Variants in EHBP1 observed in about 807,000 individuals in gnomAD.
EHBP1 encodes the protein EH domain binding protein 1, also known as EH domain-binding protein 1.
Under a neutral mutation model 144.0 loss-of-function variants are expected in EHBP1, and 55 were observed. The observed-to-expected ratio is 0.38, with a 90% confidence interval of 0.31 to 0.48. EHBP1 has a LOEUF of 0.48. EHBP1 is among the 20% of genes least tolerant of loss of function. EHBP1 has a pLI of 0.98. For synonymous variants in EHBP1, 469 were observed against 472.7 expected, an observed-to-expected ratio of 0.99 and a Z score of 0.10; for missense variants, 1,200 against 1,364.2, an observed-to-expected ratio of 0.88 and a Z score of 1.90.
At chr2:62,702,267 T>C (rs2034299854), upstream of EHBP1, among the ~76,000 whole-genome samples, 1 of 152,254 alleles carries the variant, frequency 6.6e-6, no homozygotes, top group Non-Finnish European at 1.5e-5. Context: ...TTTTAAATTA[T>C]TTTAAATGTT....
chr2:62,754,788 AG>A (rs1184313940), intron 3 of EHBP1, among the ~76,000 whole-genome samples: 1 of 152,220 alleles, frequency 6.6e-6, no homozygotes, highest in Non-Finnish European at 1.5e-5. Context: ...CCTCCGAGCC[AG>A]GAGCGGGATA....
At position 62,674,751 on chromosome 2, in the gene EHBP1, G is replaced by A. The variant is rs1206546159; in HGVS notation, c.-296+668G>A. ...GTTTATTGTTATCAGAGAATTTTTT[G>A]AGAAAAAAGCAGGAAGGGCTGGAGT... On this transcript the variant is annotated intron_variant, in intron 1 of 22. Transcript: ENST00000405015. 2.0e-5 allele frequency among the ~76,000 whole-genome samples: 3 copies of A among 152,122 alleles called. No individual in the cohort carries two copies. The East Asian group carries it at 5.8e-4, about 29-fold the overall frequency.
At chr2:62,690,357 T>G (rs1000243772) in intron 1 of EHBP1, among the ~76,000 whole-genome samples, 1 of 150,936 alleles carries the variant, frequency 6.6e-6, no homozygotes, top group African/African-American at 2.4e-5. Flanking sequence ...AGGTCAGGAG[T>G]TCAAGATGGA....
intron 14 of EHBP1, among the ~76,000 whole-genome samples, chr2:62,959,122 C>T (rs894396283): frequency 5.9e-5 from 9 of 152,116 alleles, no homozygotes; most frequent in Admixed American, 2.0e-4. Context: ...AGTGGAATCG[C>T]GCAGTATTTG....
chr2:62,942,446 T>C (rs2153074368), intron 10 of EHBP1, among the ~76,000 whole-genome samples: 1 of 152,358 alleles, frequency 6.6e-6, no homozygotes, highest in East Asian at 1.9e-4. Flanking sequence ...TTTAACGTGA[T>C]GTTTCCATCA....
chr2:62,798,556 T>G (rs2043728563), intron 5 of EHBP1, among the ~76,000 whole-genome samples: 1 of 152,166 alleles, frequency 6.6e-6, no homozygotes, highest in African/African-American at 2.4e-5. Flanking sequence ...TACCTCAATT[T>G]ACGTATCTAT....
At chr2:62,856,333 C>T (rs913609379) in intron 7 of EHBP1, among the ~76,000 whole-genome samples, 2 of 152,222 alleles carry the variant, frequency 1.3e-5, no homozygotes, top group Non-Finnish European at 2.9e-5. Context: ...CCCTGTGGTT[C>T]CTGGCATCTC....
intron 13 of EHBP1, among the ~76,000 whole-genome samples, chr2:62,954,194 T>A: frequency 6.6e-6 from 1 of 152,186 alleles, no homozygotes. Context: ...CATCATGTAA[T>A]GGAATGCAGT....
chr2:62,944,201 A>G (rs901663334), intron 12 of EHBP1, among the ~76,000 whole-genome samples: 4 of 152,154 alleles, frequency 2.6e-5, no homozygotes, highest in Admixed American at 2.0e-4. Flanking sequence ...CTGGTTGGGG[A>G]TGAGAACGAG....
At chr2:62,693,555 A>G (rs528591558) in intron 1 of EHBP1, among the ~76,000 whole-genome samples, 1 of 152,302 alleles carries the variant, frequency 6.6e-6, no homozygotes, top group East Asian at 1.9e-4. Flanking sequence ...AGTGCATACA[A>G]TGTGTAGAGG....
intron 1 of EHBP1, among the ~76,000 whole-genome samples, chr2:62,689,042 T>C (rs144554271): frequency 2.4e-4 from 37 of 152,330 alleles, no homozygotes; most frequent in African/African-American, 8.2e-4. Flanking sequence ...TGCATGCATA[T>C]GTTTGAATCA....
chr2:62,823,770 A>G (rs2046154173), intron 5 of EHBP1, among the ~76,000 whole-genome samples: 1 of 152,042 alleles, frequency 6.6e-6, no homozygotes, highest in African/African-American at 2.4e-5. Flanking sequence ...AATTACTAGG[A>G]ACACCATTCA....
intron 10 of EHBP1, among the ~76,000 whole-genome samples, chr2:62,916,123 C>T (rs1341207893): frequency 6.6e-6 from 1 of 151,970 alleles, no homozygotes; most frequent in Non-Finnish European, 1.5e-5. Flanking sequence ...GAGTTTGAGT[C>T]CAGCCTGGGC....
At position 62,942,923 on chromosome 2, in the gene EHBP1, A is replaced by G. The variant is rs200576352; in HGVS notation, c.1364+27A>G. 4.5e-5 allele frequency: 67 copies of G among 1,479,160 alleles called. No individual in the cohort carries two copies. The East Asian group carries it at 9.2e-4, about 20-fold the overall frequency. 91.6% of individuals were successfully genotyped at this position (1,479,160 alleles called of 1,614,324 possible). On this transcript the variant is annotated intron_variant, in intron 11 of 22. Transcript: ENST00000431489. ...TAAGTAGAAACATTTTCCATTCCCT[A>G]TATTTTGTAAGTGATAGACATTTTT...
chr2:62,968,426 A>G (rs2058344147), intron 14 of EHBP1, among the ~76,000 whole-genome samples: 1 of 152,180 alleles, frequency 6.6e-6, no homozygotes, highest in African/African-American at 2.4e-5. Flanking sequence ...AAGCACATAT[A>G]TATCTGTATA....
At chr2:62,752,233 G>T (rs190962586) in intron 3 of EHBP1, among the ~76,000 whole-genome samples, 2 of 152,228 alleles carry the variant, frequency 1.3e-5, no homozygotes, top group African/African-American at 4.8e-5. Context: ...CCTTCATTTC[G>T]TTACGTACCC....
intron 2 of EHBP1, among the ~76,000 whole-genome samples, chr2:62,712,646 G>C (rs1346073733): frequency 6.6e-6 from 1 of 152,152 alleles, no homozygotes; most frequent in Admixed American, 6.5e-5. Context: ...TTTTAGTGAT[G>C]AACCATGGAA....
At chr2:62,767,747 G>A (rs1318914010) in intron 4 of EHBP1, among the ~76,000 whole-genome samples, 2 of 150,528 alleles carry the variant, frequency 1.3e-5, no homozygotes, top group Admixed American at 1.3e-4. Context: ...GAGGTGGGAG[G>A]ATCGCTTGAG....
chr2:62,921,456 A>T (rs2055072024), intron 10 of EHBP1, among the ~76,000 whole-genome samples: 1 of 152,116 alleles, frequency 6.6e-6, no homozygotes, highest in Admixed American at 6.5e-5. Flanking sequence ...AAAAAGAAAA[A>T]AAAAAAAGTA....
Sources: allele counts gnomAD v4.1 joint callset (sites outside exome capture counted in the v4.1 genomes callset), GRCh38; gene constraint gnomAD v4.1.1; transcripts MANE v1.5; gene names NCBI Gene and HGNC (gene_info 2026-07-23, HGNC 2026-07-21).